The following TLE2 variants were observed in gnomAD, a reference collection of about 807,000 sequenced individuals.
TLE2 encodes the protein TLE family member 2, transcriptional corepressor, also known as transducin-like enhancer protein 2.
A neutral mutation model predicts 97.2 loss-of-function variants in TLE2; 74 were observed. The ratio of observed to expected loss-of-function variants is 0.76; its 90% CI spans 0.63 to 0.92. The LOEUF is 0.92. TLE2 is among the 40% of genes least tolerant of loss of function. The probability of loss-of-function intolerance (pLI) is 0.00; values close to 1 mark genes in which losing one functional copy is unlikely to be tolerated. For missense variants in TLE2, 1,038 were observed against 1,008.7 expected, an observed-to-expected ratio of 1.03 and a Z score of -0.39; for synonymous variants, 499 against 432.1, an observed-to-expected ratio of 1.15 and a Z score of -1.92.
At chr19:3,020,886 G>A (rs1438254910) in intron 5 of TLE2, among the ~76,000 whole-genome samples, 1 of 151,664 alleles carries the variant, frequency 6.6e-6, no homozygotes, top group Non-Finnish European at 1.5e-5. Context: ...AGGAGTTCAA[G>A]ACCAGCCTGG....
intron 14 of TLE2, 69 bp downstream of exon 14, chr19:3,008,800 G>C: frequency 1.5e-6 from 2 of 1,317,444 alleles, no homozygotes; most frequent in Non-Finnish European, 2.0e-6. Context: ...AACCACAGAG[G>C]GTAAGACCTC....
chr19:3,045,377 A>T lies in TLE2; in HGVS notation c.63+349T>A, dbSNP rs201236488. Among the ~76,000 whole-genome samples the T allele has an allele frequency of 2.6e-5, 4 of 152,254 alleles. No homozygotes were observed. The East Asian group carries it at 7.7e-4, about 29-fold the overall frequency. On this transcript the variant is annotated intron_variant, in intron 1 of 18. Coordinates refer to the TLE2 transcript ENST00000426948. ...GAAGGGTCAGACTGAGGCAGTGACT[A>T]CGGGGCAGGGGTCGTGAGCCTCCAA... is the stretch of plus-strand genomic sequence containing the variant.
chr19:3,047,211 C>T (rs2090150702), upstream of TLE2, among the ~76,000 whole-genome samples: 1 of 121,998 alleles, frequency 8.2e-6, no homozygotes, highest in African/African-American at 3.2e-5. Context: ...GCGGCCGCGG[C>T]GCGGGGCCCA....
chr19:3,004,030 A>G (rs2089423330), intron 17 of TLE2, among the ~76,000 whole-genome samples: 1 of 152,122 alleles, frequency 6.6e-6, no homozygotes, highest in South Asian at 2.1e-4. Context: ...TAAAAGATTC[A>G]GGGTCCTCCA....
chr19:3,003,643 C>CA (rs1228166820), intron 17 of TLE2, among the ~76,000 whole-genome samples: 1 of 145,396 alleles, frequency 6.9e-6, no homozygotes, highest in Non-Finnish European at 1.5e-5. Context: ...GTCTCAGAAA[C>CA]AAAAAACAAA....
At chr19:2,998,003 C>CA (rs772475466) in intron 19 of TLE2, 48 bp from the exon 20 acceptor site, 3 of 1,405,798 alleles carry the variant, frequency 2.1e-6, no homozygotes, top group Non-Finnish European at 3.0e-6. Flanking sequence ...GCATGGTCCC[C>CA]ACAGATGGGT....
rs372217000 is a variant in TLE2 at position 3,017,846 on chromosome 19, C to T, written c.564G>A (p.Pro188=). The T allele has an allele frequency of 4.5e-5, 72 of 1,612,386 alleles. No individual in the cohort carries two copies. Among genetic ancestry groups the T allele is most frequent in the African/African-American group, 4.0e-4 (30 of 74,896 alleles). The change falls in exon 8 of 20, where the codon CCG becomes CCA. Residue 188 remains proline (P), a synonymous_variant. Transcript: ENST00000262953. ...CAGGGTGCCACTCACTTACCCTGCTCGGGGCTCTCTCCACTGACAGATTGG... is the reference window on the plus strand; with the variant it reads ...CAGGGTGCCACTCACTTACCCTGCTTGGGGCTCTCTCCACTGACAGATTGG... The part of the protein sequence containing the change: ...EAEGSRVERA[P]SRSASPSPPE...
intron 1 of TLE2, among the ~76,000 whole-genome samples, chr19:3,034,846 G>A (rs2090050738): frequency 6.6e-6 from 1 of 152,130 alleles, no homozygotes; most frequent in African/African-American, 2.4e-5. Context: ...AGAGCATCTG[G>A]TGGGGACAGA....
upstream of TLE2, among the ~76,000 whole-genome samples, chr19:3,047,260 C>T (rs113955961): frequency 0.053 from 7,629 of 142,784 alleles, 261 homozygotes; most frequent in Non-Finnish European, 0.069. Context: ...GCGGCGCAGT[C>T]GTTAAGCGCG....
At position 3,022,542 on chromosome 19, in the gene TLE2, A is replaced by AT. The variant is rs371752633; in HGVS notation, c.294+2477dup. Reference sequence around the variant, plus strand: ...AGACTCTGTCTCAAAAAAAAAAAAAATTTTTTTAAGGAAAAAAATAATAGA... The same window carrying AT: ...AGACTCTGTCTCAAAAAAAAAAAAAATTTTTTTTAAGGAAAAAAATAATAGA... On this transcript the variant is annotated intron_variant, in intron 5 of 19. Coordinates refer to ENST00000262953, the MANE Select transcript of TLE2 (RefSeq NM_003260.5). Among the ~76,000 whole-genome samples, 320 of 151,898 alleles carry AT rather than the reference A, an allele frequency of 2.1e-3. 2 individuals are homozygous for AT. The highest frequency in any genetic ancestry group is 0.013 in the Admixed American group (198 of 15,242).
chr19:3,042,420 AGGACGGTGG>A, intron 1 of TLE2, among the ~76,000 whole-genome samples: 1 of 43,598 alleles, frequency 2.3e-5, no homozygotes, highest in African/African-American at 1.2e-4. Flanking sequence ...GGGGCCTGGG[AGGACGGTGG>A]GCCTGGGTGG....
intron 3 of TLE2, among the ~76,000 whole-genome samples, 178 bp from the exon 4 acceptor site, chr19:3,028,051 C>T (rs1260083989): frequency 6.6e-6 from 1 of 152,058 alleles, no homozygotes; most frequent in Non-Finnish European, 1.5e-5. Flanking sequence ...CTGGAAGGGC[C>T]CCCTCTACTC....
At chr19:3,001,029 T>C (rs2016623054) in intron 18 of TLE2, among the ~76,000 whole-genome samples, 1 of 151,764 alleles carries the variant, frequency 6.6e-6, no homozygotes, top group Non-Finnish European at 1.5e-5. Flanking sequence ...AATCCCCACT[T>C]TGGGAGACAG....
upstream of TLE2, among the ~76,000 whole-genome samples, chr19:3,046,940 C>CTCCTCCCCCTCCCCA (rs2090146741): frequency 7.8e-6 from 1 of 128,072 alleles, no homozygotes; most frequent in Non-Finnish European, 1.7e-5. Context: ...CTGCCTCCCC[C>CTCCTCCCCCTCCCCA]TCCTCCTCCC....
chr19:3,032,742 G>A (rs935787473), upstream of TLE2, among the ~76,000 whole-genome samples: 6 of 151,992 alleles, frequency 3.9e-5, no homozygotes, highest in Admixed American at 6.6e-5. This position sits in a 1 kb window ranked among gnomAD's most constrained non-coding sequence, Gnocchi z 4.1. Flanking sequence ...AACAGGGAGC[G>A]CCATCATTCT....
At chr19:3,032,910 T>C (rs2090036190), upstream of TLE2, among the ~76,000 whole-genome samples, 1 of 151,196 alleles carries the variant, frequency 6.6e-6, no homozygotes, top group Non-Finnish European at 1.5e-5. This position sits in a 1 kb window ranked among gnomAD's most constrained non-coding sequence, Gnocchi z 4.1. Flanking sequence ...TGTCTGCAAC[T>C]GTCCACCCCA....
At position 3,028,737 on chromosome 19, in the gene TLE2, C is replaced by T. The variant is rs766690636; in HGVS notation, c.91G>A (p.Glu31Lys). 1.1e-5 allele frequency: 17 copies of T among 1,612,866 alleles called. No homozygotes were observed. The highest frequency in any genetic ancestry group is 2.2e-5 in the South Asian group (2 of 91,082). Reference protein sequence around the residue: ...ILEICDRIKEEFQFLQAQYHS... With the variant: ...ILEICDRIKEKFQFLQAQYHS... The stretch of plus-strand genomic sequence containing the variant: ...TATTGAGCCTGAAGAAACTGGAATT[C>T]TTCTTTGATGCGGTCGCAGATCTCC... The change falls in exon 2 of 20, where the codon GAA (glutamate) becomes AAA (lysine). Residue 31 changes from glutamate (E) to lysine (K), a missense_variant. Transcript: ENST00000262953.
At chr19:3,016,453 G>A (rs909406415) in intron 8 of TLE2, among the ~76,000 whole-genome samples, 93 of 147,336 alleles carry the variant, frequency 6.3e-4, no homozygotes, top group African/African-American at 1.8e-3. Flanking sequence ...AGCCGGGCAT[G>A]GTGGCGGGCA....
At chr19:3,025,251 G>C in intron 4 of TLE2, 169 bp from the exon 5 acceptor site, 1 of 1,101,582 alleles carries the variant, frequency 9.1e-7, no homozygotes, top group Non-Finnish European at 1.2e-6. Flanking sequence ...GTGGGATTCA[G>C]AGCCCCACCA....
Sources: allele counts gnomAD v4.1 joint callset (sites outside exome capture counted in the v4.1 genomes callset), GRCh38; gene constraint gnomAD v4.1.1; non-coding constraint Gnocchi (gnomAD v3.1); transcripts MANE v1.5; gene names NCBI Gene and HGNC (gene_info 2026-07-23, HGNC 2026-07-21).